Variants in KCNH5 observed in about 807,000 individuals in gnomAD.
KCNH5 encodes potassium voltage-gated channel subfamily H member 5, also known as voltage-gated delayed rectifier potassium channel KCNH5.
In KCNH5, 46 loss-of-function variants were observed where a neutral mutation model predicts 96.1. The ratio of observed to expected loss-of-function variants is 0.48; its 90% CI spans 0.38 to 0.61. The LOEUF is 0.61. KCNH5 is among the 20% of genes least tolerant of loss of function. The pLI, the probability that KCNH5 is intolerant of heterozygous loss-of-function variation, is 0.00. For missense variants in KCNH5, 907 were observed against 1,225.8 expected (o/e 0.74, Z 3.88); for synonymous variants, 439 against 449.8 (o/e 0.98, Z 0.30).
chr14:62,989,666 T>A (rs1890774230), intron 4 of KCNH5, among the ~76,000 whole-genome samples: 1 of 152,052 alleles, frequency 6.6e-6, no homozygotes, highest in African/African-American at 2.4e-5. Context: ...ACTGATGTAA[T>A]TGTTGATTGA....
intron 7 of KCNH5, among the ~76,000 whole-genome samples, chr14:62,919,909 G>A (rs142152437): frequency 4.5e-4 from 68 of 152,198 alleles, no homozygotes; most frequent in Admixed American, 1.3e-3. Context: ...AGAGGTCAGC[G>A]AAGGCGTACC....
intron 3 of KCNH5, among the ~76,000 whole-genome samples, chr14:63,001,890 C>T (rs964937151): frequency 6.6e-6 from 1 of 152,200 alleles, no homozygotes; most frequent in Non-Finnish European, 1.5e-5. Flanking sequence ...TTCCAATTAA[C>T]TGCAACAGCC....
intron 7 of KCNH5, among the ~76,000 whole-genome samples, chr14:62,851,126 T>C (rs1463078006): frequency 6.6e-6 from 1 of 152,158 alleles, no homozygotes; most frequent in Non-Finnish European, 1.5e-5. Context: ...AACAGAAAGC[T>C]ATTATTTTAA....
chr14:62,851,095 T>C (rs1887795049), intron 7 of KCNH5, among the ~76,000 whole-genome samples: 2 of 152,176 alleles, frequency 1.3e-5, no homozygotes, highest in Non-Finnish European at 2.9e-5. Context: ...CTCCTCTGAG[T>C]ATAACAAATT....
chr14:62,770,601 G>A (rs181032926), intron 10 of KCNH5, among the ~76,000 whole-genome samples: 5 of 152,200 alleles, frequency 3.3e-5, no homozygotes, highest in East Asian at 3.9e-4. Flanking sequence ...TTTACAATTC[G>A]GATTGATCAT....
In KCNH5 at chr14:62,712,616, G is replaced by A. The variant is rs1349294639; in HGVS notation, c.2020-4161C>T. 7.9e-6 allele frequency: 6 copies of A among 754,754 alleles called. No homozygotes were observed. In the East Asian group the frequency reaches 9.9e-5, roughly 13 times the overall value. The allele number at this position is 754,754 out of a possible 1,614,324, so 46.8% of individuals were successfully genotyped here. On this transcript the variant is annotated intron_variant, in intron 10 of 10. Coordinates refer to ENST00000322893, the MANE Select transcript of KCNH5 (RefSeq NM_139318.5). ...ACTTTTATACTTTCTCCTGGACTCC[G>A]TGAAAACTCGGATAGATGAATGGGT...
intron 7 of KCNH5, among the ~76,000 whole-genome samples, chr14:62,873,445 T>A (rs1888302357): frequency 6.6e-6 from 1 of 152,166 alleles, no homozygotes; most frequent in Non-Finnish European, 1.5e-5. Flanking sequence ...ATGATTTATC[T>A]GAAAATAAGA....
chr14:63,045,411 G>A lies in KCNH5; in HGVS notation c.-225C>T. 5 of 564,040 alleles carry A rather than the reference G, an allele frequency of 8.9e-6. No homozygotes were observed. The East Asian group carries it at 1.2e-4, about 13-fold the overall frequency. The allele number at this position is 564,040 out of a possible 1,614,324, so 34.9% of individuals were successfully genotyped here. ...TCATGGTAGTAGCGCTCCCCCGGCC[G>A]CCGCTGCCCAGACTGTGGCGGTGCC... On this transcript the variant is annotated 5_prime_UTR_variant, in exon 1 of 11. Transcript: ENST00000322893.
intron 10 of KCNH5, among the ~76,000 whole-genome samples, chr14:62,756,027 C>A (rs928188530): frequency 6.6e-6 from 1 of 151,770 alleles, no homozygotes; most frequent in East Asian, 1.9e-4. Context: ...AAACTGAAAG[C>A]CTTTCCTCTA....
intron 7 of KCNH5, among the ~76,000 whole-genome samples, chr14:62,856,281 C>A (rs1887926046): frequency 2.0e-5 from 3 of 152,158 alleles, no homozygotes; most frequent in African/African-American, 7.2e-5. Flanking sequence ...CTCTCCATCT[C>A]CTTATTAGTA....
chr14:62,919,733 C>G (rs1467875562), intron 7 of KCNH5, among the ~76,000 whole-genome samples: 1 of 152,072 alleles, frequency 6.6e-6, no homozygotes, highest in Non-Finnish European at 1.5e-5. Context: ...ACAATATCTA[C>G]GTGGCCCATC....
intron 8 of KCNH5, among the ~76,000 whole-genome samples, chr14:62,824,728 A>G (rs1887185172): frequency 6.6e-6 from 1 of 152,052 alleles, no homozygotes; most frequent in African/African-American, 2.4e-5. Context: ...CCAGGTACTG[A>G]GCACACTATC....
At chr14:62,864,859 A>G (rs1010050568) in intron 7 of KCNH5, among the ~76,000 whole-genome samples, 2 of 152,140 alleles carry the variant, frequency 1.3e-5, no homozygotes, top group African/African-American at 4.8e-5. Flanking sequence ...GCAGATCACC[A>G]TGGAAAACTG....
intron 10 of KCNH5, among the ~76,000 whole-genome samples, chr14:62,709,160 A>G (rs948590747): frequency 1.8e-4 from 26 of 142,448 alleles, no homozygotes; most frequent in East Asian, 8.9e-4. Context: ...GTGAACCCGG[A>G]AGGCGGAGCT....
rs575711680 is a variant in KCNH5, at chr14:62,730,354, A to G, written c.2020-21899T>C. On this transcript the variant is annotated intron_variant, in intron 10 of 10. Transcript: ENST00000322893. ...AGTAGCTGCTACAGCATATTTATTT[A>G]ATTTCAAGCATTGCCTTAGAAAGTA... 5.3e-5 allele frequency among the ~76,000 whole-genome samples: 8 copies of G among 152,336 alleles called. No individual in the cohort carries two copies. In the East Asian group the frequency reaches 1.5e-3, roughly 29 times the overall value.
intron 2 of KCNH5, among the ~76,000 whole-genome samples, chr14:63,014,574 C>CA (rs1891289225): frequency 6.6e-6 from 1 of 151,954 alleles, no homozygotes; most frequent in African/African-American, 2.4e-5. Flanking sequence ...ACATGGGACA[C>CA]AAGAAGGGAT....
chr14:62,814,155 C>T (rs574064170), intron 8 of KCNH5, among the ~76,000 whole-genome samples: 2 of 152,308 alleles, frequency 1.3e-5, no homozygotes, highest in South Asian at 4.1e-4. Context: ...TGTGACTAGA[C>T]TTCATATATA....
chr14:62,780,688 C>T (rs1331313971), intron 9 of KCNH5, among the ~76,000 whole-genome samples: 1 of 152,164 alleles, frequency 6.6e-6, no homozygotes, highest in Non-Finnish European at 1.5e-5. Flanking sequence ...CTGAACTCAA[C>T]CATTTATCAT....
intron 8 of KCNH5, among the ~76,000 whole-genome samples, chr14:62,840,091 A>G (rs908307991): frequency 1.1e-4 from 16 of 152,138 alleles, no homozygotes; most frequent in Non-Finnish European, 1.5e-4. Flanking sequence ...ATTTCTATTT[A>G]TCACTCTATA....
Sources: gnomAD v4.1 joint callset for allele counts (sites outside exome capture counted in the v4.1 genomes callset) on GRCh38, gnomAD v4.1.1 for gene constraint, MANE v1.5 for transcripts, NCBI Gene and HGNC (gene_info 2026-07-23, HGNC 2026-07-21) for gene names.